Variants in EBF1 observed in about 807,000 individuals in gnomAD.
EBF1 encodes EBF transcription factor 1, also known as transcription factor COE1.
EBF1 carries 10 observed loss-of-function variants against 68.4 expected under a neutral mutation model. That is an observed-to-expected ratio of 0.15 (90% CI 0.09 to 0.25). EBF1 has a LOEUF of 0.25. Ranked by LOEUF, EBF1 falls within the 10% of genes least tolerant of loss-of-function variation. The pLI is 1.00. For synonymous variants in EBF1, 298 were observed against 299.8 expected (o/e 0.99, Z 0.06); for missense variants, 509 against 794.4 (o/e 0.64, Z 4.32).
intron 6 of EBF1, among the ~76,000 whole-genome samples, chr5:158,886,985 A>G (rs1454020954): frequency 1.3e-5 from 2 of 152,194 alleles, no homozygotes; most frequent in Non-Finnish European, 2.9e-5. Flanking sequence ...CTGGGCAACA[A>G]GAGAGAAACT....
chr5:158,713,565 C>G (rs1055184627), intron 12 of EBF1, among the ~76,000 whole-genome samples: 3 of 152,136 alleles, frequency 2.0e-5, no homozygotes, highest in Non-Finnish European at 2.9e-5. Flanking sequence ...ATTCACCTCC[C>G]CTATTGATGT....
intron 6 of EBF1, among the ~76,000 whole-genome samples, chr5:158,873,093 T>C (rs377481314): frequency 2.0e-5 from 3 of 147,424 alleles, no homozygotes; most frequent in Non-Finnish European, 4.5e-5. Flanking sequence ...TCATTAATGA[T>C]AGTCAATTTC....
intron 6 of EBF1, among the ~76,000 whole-genome samples, chr5:158,975,502 A>C (rs1236491316): frequency 6.6e-6 from 1 of 152,192 alleles, no homozygotes; most frequent in Non-Finnish European, 1.5e-5. Flanking sequence ...TGTTGTAAGG[A>C]AAAAAGGAGT....
At chr5:159,051,766 C>T (rs1773803812) in intron 6 of EBF1, among the ~76,000 whole-genome samples, 1 of 152,076 alleles carries the variant, frequency 6.6e-6, no homozygotes, top group Admixed American at 6.5e-5. Context: ...CAGCCGATCC[C>T]GCTTTGCAGT....
At chr5:158,792,508 TA>T (rs35181775) in intron 9 of EBF1, among the ~76,000 whole-genome samples, 2 of 152,276 alleles carry the variant, frequency 1.3e-5, no homozygotes, top group Admixed American at 1.3e-4. Flanking sequence ...ATTCTTTAGC[TA>T]AAAAAAGACT....
chr5:158,873,867 A>C (rs759173907), intron 6 of EBF1, among the ~76,000 whole-genome samples: 14 of 152,240 alleles, frequency 9.2e-5, no homozygotes, highest in Non-Finnish European at 1.0e-4. Context: ...GTAGGTATAC[A>C]GTGAGAAGTA....
chr5:158,721,156 AT>A (rs79288591), intron 11 of EBF1, among the ~76,000 whole-genome samples: 6,530 of 152,232 alleles, frequency 0.043, 561 homozygotes, highest in East Asian at 0.23. Context: ...ACCTCCTCTG[AT>A]TTTAAAGTTG....
intron 6 of EBF1, among the ~76,000 whole-genome samples, chr5:158,902,316 T>G (rs1803574250): frequency 6.6e-6 from 1 of 152,184 alleles, no homozygotes; most frequent in African/African-American, 2.4e-5. Flanking sequence ...TACCTATCAA[T>G]TACTGAGCAA....
At chr5:159,026,423 A>G (rs1767724106) in intron 6 of EBF1, among the ~76,000 whole-genome samples, 1 of 152,184 alleles carries the variant, frequency 6.6e-6, no homozygotes, top group Non-Finnish European at 1.5e-5. Context: ...AAGAGCATAC[A>G]GAGGGAAGCC....
At chr5:158,884,363 T>G (rs1436142175) in intron 6 of EBF1, among the ~76,000 whole-genome samples, 1 of 152,210 alleles carries the variant, frequency 6.6e-6, no homozygotes, top group Admixed American at 6.5e-5. Context: ...AATATGAATC[T>G]AGGGAGTTCT....
intron 9 of EBF1, among the ~76,000 whole-genome samples, chr5:158,792,358 GCCC>G (rs756103843): frequency 2.0e-5 from 3 of 152,172 alleles, no homozygotes; most frequent in African/African-American, 7.2e-5. Flanking sequence ...GCAATAAAGT[GCCC>G]CTTTCTTCTT....
chr5:159,083,102 G>T (rs1780011795), intron 5 of EBF1, among the ~76,000 whole-genome samples: 1 of 152,166 alleles, frequency 6.6e-6, no homozygotes, highest in Admixed American at 6.5e-5. Flanking sequence ...ATGTTATTTG[G>T]CCTATTGGTT....
chr5:158,993,417 A>T (rs775126914), intron 6 of EBF1, among the ~76,000 whole-genome samples: 1 of 152,092 alleles, frequency 6.6e-6, no homozygotes, highest in Non-Finnish European at 1.5e-5. Flanking sequence ...ATCTGGCACA[A>T]CTACTGAATC....
At chr5:158,959,845 A>G (rs1817823834) in intron 6 of EBF1, among the ~76,000 whole-genome samples, 2 of 152,212 alleles carry the variant, frequency 1.3e-5, no homozygotes. Flanking sequence ...ATGATTATAT[A>G]ATTAAAACAC....
At chr5:158,948,747 T>C (rs1399032030) in intron 6 of EBF1, among the ~76,000 whole-genome samples, 3 of 152,192 alleles carry the variant, frequency 2.0e-5, no homozygotes, top group East Asian at 3.8e-4. Flanking sequence ...TTGACTGACA[T>C]GTGGCATTCT....
intron 6 of EBF1, among the ~76,000 whole-genome samples, chr5:158,978,835 C>CACAGAGAGAG (rs753714441): frequency 1.8e-4 from 26 of 147,048 alleles, no homozygotes; most frequent in African/African-American, 6.7e-4. Flanking sequence ...CACACACACA[C>CACAGAGAGAG]AGAGAGAGAG....
At chr5:158,707,166 A>G (rs1440332708) in intron 15 of EBF1, among the ~76,000 whole-genome samples, 1 of 152,196 alleles carries the variant, frequency 6.6e-6, no homozygotes, top group African/African-American at 2.4e-5. Context: ...ATGAGTACCT[A>G]CCACACAATC....
chr5:158,906,251 C>G (rs1207963093), intron 6 of EBF1, among the ~76,000 whole-genome samples: 1 of 141,246 alleles, frequency 7.1e-6, no homozygotes, highest in African/African-American at 2.7e-5. Context: ...CCACCTATAA[C>G]AGATCACTTG....
intron 6 of EBF1, among the ~76,000 whole-genome samples, chr5:158,937,560 C>A (rs1395871628): frequency 1.3e-5 from 2 of 152,164 alleles, no homozygotes; most frequent in Non-Finnish European, 1.5e-5. Flanking sequence ...CAGGGTCACG[C>A]AAAGGGGTAG....
Sources: gnomAD v4.1 joint callset for allele counts (sites outside exome capture counted in the v4.1 genomes callset) on GRCh38, gnomAD v4.1.1 for gene constraint, MANE v1.5 for transcripts, NCBI Gene and HGNC (gene_info 2026-07-23, HGNC 2026-07-21) for gene names.